TNXB: variants seen among roughly 807,000 people sequenced by gnomAD.
TNXB encodes the protein tenascin XB.
Under a neutral mutation model 340.5 loss-of-function variants are expected in TNXB, and 183 were observed. The observed-to-expected ratio is 0.54, with a 90% CI of 0.48 to 0.61. TNXB has a LOEUF of 0.61. TNXB is among the 20% of genes least tolerant of loss of function. The pLI is 0.00. For missense variants in TNXB, 4,613 were observed against 5,446.4 expected (o/e 0.85, Z 4.82); for synonymous variants, 2,121 against 2,314.5 (o/e 0.92, Z 2.40).
In TNXB at chr6:32,083,638, A is replaced by G. The variant is rs1030970480; in HGVS notation, c.3445+775T>C. 1.6e-4 allele frequency among the ~76,000 whole-genome samples: 24 copies of G among 151,826 alleles called. No homozygotes were observed. Among genetic ancestry groups the G allele is most frequent in the African/African-American group, 5.6e-4 (23 of 41,326 alleles). On this transcript the variant is annotated intron_variant, in intron 8 of 43. Coordinates refer to ENST00000644971, the MANE Select transcript of TNXB (RefSeq NM_001365276.2). The surrounding 1 kb of genome is among the most constrained non-coding windows in gnomAD (Gnocchi z 4.6). ...AGCCCCACTGCCACCATCCCAGCTG[A>G]CCCATCATCATTTTTCTTTTTTTTG...
intron 1 of TNXB, among the ~76,000 whole-genome samples, chr6:32,107,786 T>C (rs429150): frequency 0.49 from 74,875 of 151,772 alleles, 18,824 homozygotes; most frequent in South Asian, 0.66. Flanking sequence ...GTTCTGGTCC[T>C]GCCCCCATGC....
At chr6:32,055,642 G>A (rs1167344628) in intron 24 of TNXB, among the ~76,000 whole-genome samples, 2 of 152,182 alleles carry the variant, frequency 1.3e-5, no homozygotes, top group African/African-American at 2.4e-5. Flanking sequence ...CGTGATCATG[G>A]GCCAGCAGCA....
At chr6:32,063,364 A>G (rs960261308) in intron 19 of TNXB, among the ~76,000 whole-genome samples, 1 of 151,740 alleles carries the variant, frequency 6.6e-6, no homozygotes, top group Admixed American at 6.6e-5. Flanking sequence ...CTCCAGCCTG[A>G]GAGCCTGGGT....
chr6:32,065,945 T>C (rs1778310973), intron 18 of TNXB, among the ~76,000 whole-genome samples: 1 of 152,274 alleles, frequency 6.6e-6, no homozygotes, highest in Admixed American at 6.5e-5. Context: ...CCACCTCACC[T>C]GGCCATATTG....
chr6:32,098,178 A>G lies in TNXB; in HGVS notation c.21T>C (p.Ala7=). Residue 7 remains alanine, a synonymous_variant, in exon 2 of 44, where the codon GCT becomes GCC. Coordinates refer to ENST00000644971, the MANE Select transcript of TNXB (RefSeq NM_001365276.2). MMPAQY[A]LTSSLVLLVL... is the part of the protein sequence containing the mutation. ...CCAGGAGAACCAGGCTGGAGGTTAG[A>G]GCATACTGGGCTGGCATCATTCAGG... The G allele has an allele frequency of 6.5e-7, 1 of 1,546,720 alleles. No individual in the cohort carries two copies. Among genetic ancestry groups the G allele is most frequent in the East Asian group, 2.3e-5 (1 of 43,964 alleles).
chr6:32,061,782 GA>G lies in TNXB; in HGVS notation c.7169-63del. ...CTGGGGGATGTGCTTACGTCGTGGGGAAAAGGAGGGAGAAGGCTATGACTAG... is the reference window on the plus strand; with the variant it reads ...CTGGGGGATGTGCTTACGTCGTGGGGAAAGGAGGGAGAAGGCTATGACTAG... On this transcript the variant is annotated intron_variant, in intron 20 of 43. Coordinates refer to ENST00000644971, the MANE Select transcript of TNXB (RefSeq NM_001365276.2). The surrounding 1 kb of genome is among the most constrained non-coding windows in gnomAD (Gnocchi z 4.4). The G allele has an allele frequency of 3.2e-6, 5 of 1,570,506 alleles. No individual in the cohort carries two copies. Among genetic ancestry groups the G allele is most frequent in the Non-Finnish European group, 2.6e-6 (3 of 1,154,604 alleles).
At position 32,058,777 on chromosome 6, in the gene TNXB, G is replaced by GGAACACAAAT. The variant is rs1384097530; in HGVS notation, c.7493-397_7493-388dup. 6.6e-6 allele frequency among the ~76,000 whole-genome samples: 1 copy of GGAACACAAAT among 151,924 alleles called. No homozygotes were observed. Among genetic ancestry groups the GGAACACAAAT allele is most frequent in the Non-Finnish European group, 1.5e-5 (1 of 68,048 alleles). On this transcript the variant is annotated intron_variant, in intron 21 of 43. Transcript: ENST00000644971. The surrounding 1 kb of genome is among the most constrained non-coding windows in gnomAD (Gnocchi z 5.1). ...GTTATTCATGACAGCAGATGTGTCA[G>GGAACACAAAT]GAACACAAATGACCCGTAGAAGATG... is the stretch of plus-strand genomic sequence containing the variant.
In TNXB at chr6:32,043,856, C is replaced by T. The variant is rs376486710; in HGVS notation, c.11423G>A (p.Arg3808Gln). 1.4e-5 allele frequency: 23 copies of T among 1,613,638 alleles called. No homozygotes were observed. The highest frequency in any genetic ancestry group is 1.3e-4 in the East Asian group (6 of 44,888). ...PQSVQVDGQA[R>Q]TQKLQGLIPG... ...GATCAGCCCCTGGAGTTTCTGGGTC[C>T]GGGCCTGGCCATCCACCTGCACACT... The change falls in exon 35 of 44, where the codon CGG becomes CAG. Residue 3808 changes from arginine (R) to glutamine (Q), a missense_variant. By Grantham distance (43) the Arg-to-Gln change is conservative (BLOSUM62 1). Around this residue, in one of 7 missense-constraint regions of TNXB, gnomAD observed 114 missense variants for 104.5 expected, o/e 1.09. Transcript: ENST00000644971.
At position 32,072,899 on chromosome 6, in the gene TNXB, C is replaced by T. The variant is rs1051254541; in HGVS notation, c.4682-601G>A. ...TTGGGAAGCGGAGGTTGCAGTGAGC[C>T]GAGATCGCGCCATTGCACTCCAGCC... On this transcript the variant is annotated intron_variant, in intron 12 of 43. Transcript: ENST00000644971. This position sits in a 1 kb window ranked among gnomAD's most constrained non-coding sequence, Gnocchi z 4.4. Among the ~76,000 whole-genome samples, 2 of 152,134 alleles carry T rather than the reference C, an allele frequency of 1.3e-5. No homozygotes were observed. The highest frequency in any genetic ancestry group is 2.4e-5 in the African/African-American group (1 of 41,414).
rs745313554 is a variant in TNXB, at chr6:32,087,495, C to T, written c.2779+1290G>A. The T allele has an allele frequency of 6.1e-6, 3 of 489,314 alleles. No individual in the cohort carries two copies. The highest frequency in any genetic ancestry group is 6.0e-5 in the East Asian group (1 of 16,746). 30.3% of individuals were successfully genotyped at this position (489,314 alleles called of 1,614,324 possible). ...GAAGCGCGCCATCGGCGGAACTGCCCAGCACCTCTGGCTTGGGGTGGCGGG... is the reference window on the plus strand; with the variant it reads ...GAAGCGCGCCATCGGCGGAACTGCCTAGCACCTCTGGCTTGGGGTGGCGGG... On this transcript the variant is annotated intron_variant, in intron 6 of 43. Coordinates refer to ENST00000644971, the MANE Select transcript of TNXB (RefSeq NM_001365276.2). The surrounding 1 kb of genome is among the most constrained non-coding windows in gnomAD (Gnocchi z 9.0).
chr6:32,060,336 A>G (rs1777932511), intron 21 of TNXB, among the ~76,000 whole-genome samples: 1 of 151,852 alleles, frequency 6.6e-6, no homozygotes, highest in Non-Finnish European at 1.5e-5. Flanking sequence ...TCATCTCAAA[A>G]AAAAAAAAGA....
rs770222271 is a variant in TNXB, at chr6:32,070,355, C to G, written c.5050G>C (p.Asp1684His). 3 of 1,607,660 alleles carry G rather than the reference C, an allele frequency of 1.9e-6. No homozygotes were observed. The East Asian group carries it at 6.7e-5, about 36-fold the overall frequency. Residue 1684 changes from aspartate (D) to histidine (H), a missense_variant, in exon 14 of 44, where the codon GAC becomes CAC. Asp to His is a moderately conservative substitution (Grantham distance 81). This residue lies in a region of TNXB where 4,327 missense variants were observed against 4,859.4 expected (regional missense o/e 0.89). Coordinates refer to ENST00000644971, the MANE Select transcript of TNXB (RefSeq NM_001365276.2). This position sits in a 1 kb window ranked among gnomAD's most constrained non-coding sequence, Gnocchi z 6.0. ...AGGCGCAGTGAGTCTGGGGTGGGGT[C>G]TGTCACCCACAGCTCCCCAAGGCGG... is the stretch of plus-strand genomic sequence containing the variant. ...PPRLGELWVT[D>H]PTPDSLRLSW...
rs41270461 is a variant in TNXB at position 32,097,246 on chromosome 6, C to G, written c.607G>C (p.Val203Leu). ...DQGRCVRGRC[V>L]CFPGYTGPSC... ...GGGCCAGTGTAGCCGGGAAAGCACACGCAACGACCACGGACACAGCGACCC... is the reference window on the plus strand; with the variant it reads ...GGGCCAGTGTAGCCGGGAAAGCACAGGCAACGACCACGGACACAGCGACCC... The change falls in exon 3 of 44, where the codon GTG (valine) becomes CTG (leucine). Residue 203 changes from valine to leucine, a missense_variant. Physicochemically the swap from Val to Leu is conservative, Grantham distance 32 (BLOSUM62 1). This residue lies in a region of TNXB where 4,327 missense variants were observed against 4,859.4 expected (regional missense o/e 0.89). Transcript: ENST00000644971. The surrounding 1 kb of genome is among the most constrained non-coding windows in gnomAD (Gnocchi z 5.9). 1.2e-6 allele frequency: 2 copies of G among 1,608,316 alleles called. No individual in the cohort carries two copies. Among genetic ancestry groups the G allele is most frequent in the African/African-American group, 1.3e-5 (1 of 74,822 alleles).
Position 32,070,097 on chromosome 6 carries a change from G to T in TNXB, c.5278+30C>A. The T allele has an allele frequency of 1.3e-6, 2 of 1,526,608 alleles. No individual in the cohort carries two copies. The highest frequency in any genetic ancestry group is 1.3e-5 in the South Asian group (1 of 77,368). The allele number at this position is 1,526,608 out of a possible 1,614,324, so 94.6% of individuals were successfully genotyped here. ...TCTGCTGCTTGGCCTGAGGGGAGCA[G>T]AGCAGGGACCTGCAGGGAATGCCCC... On this transcript the variant is annotated intron_variant, in intron 14 of 43. Transcript: ENST00000644971. The surrounding 1 kb of genome is among the most constrained non-coding windows in gnomAD (Gnocchi z 6.0).
At chr6:32,055,286 T>C (rs780318127) in intron 24 of TNXB, among the ~76,000 whole-genome samples, 1 of 152,216 alleles carries the variant, frequency 6.6e-6, no homozygotes, top group Non-Finnish European at 1.5e-5. Flanking sequence ...GCATGGAGCA[T>C]AATTCCATCC....
intron 6 of TNXB, among the ~76,000 whole-genome samples, chr6:32,086,527 G>A (rs746800114): frequency 2.0e-5 from 3 of 152,198 alleles, no homozygotes; most frequent in Non-Finnish European, 4.4e-5. Context: ...TGCAAGAGGA[G>A]AGTGGGCAGT....
chr6:32,094,362 G>A (rs1297270182), intron 4 of TNXB, among the ~76,000 whole-genome samples: 1 of 151,102 alleles, frequency 6.6e-6, no homozygotes, highest in Admixed American at 6.6e-5. Flanking sequence ...CTGCTAATCT[G>A]TATTTTCTAA....
At position 32,074,735 on chromosome 6, in the gene TNXB, C is replaced by T. The variant is rs997008803; in HGVS notation, c.4376-783G>A. Among the ~76,000 whole-genome samples the T allele has an allele frequency of 2.0e-5, 3 of 152,046 alleles. No homozygotes were observed. Among genetic ancestry groups the T allele is most frequent in the African/African-American group, 4.8e-5 (2 of 41,376 alleles). On this transcript the variant is annotated intron_variant, in intron 11 of 43. Coordinates refer to ENST00000644971, the MANE Select transcript of TNXB (RefSeq NM_001365276.2). This position sits in a 1 kb window ranked among gnomAD's most constrained non-coding sequence, Gnocchi z 5.5. ...CGCTGTTGTTGCTCAGGCTGGTGTGCGATGGCGCCCTCTCGGCTCACCGCA... is the reference window on the plus strand; with the variant it reads ...CGCTGTTGTTGCTCAGGCTGGTGTGTGATGGCGCCCTCTCGGCTCACCGCA...
At chr6:32,099,561 AC>A (rs1049954306) in intron 1 of TNXB, among the ~76,000 whole-genome samples, 1 of 151,648 alleles carries the variant, frequency 6.6e-6, no homozygotes, top group African/African-American at 2.4e-5. Flanking sequence ...ATCTTGCTCA[AC>A]CCCCTGGTTG....
Sources: gnomAD v4.1 joint callset for allele counts (sites outside exome capture counted in the v4.1 genomes callset) on GRCh38, gnomAD v4.1.1 for gene constraint, gnomAD v4.1.1 regional missense constraint, Gnocchi (gnomAD v3.1) non-coding constraint, MANE v1.5 for transcripts, NCBI Gene and HGNC (gene_info 2026-07-23, HGNC 2026-07-21) for gene names.